Variants in MARCHF1 observed in about 807,000 individuals in gnomAD.
MARCHF1 encodes the protein E3 ubiquitin-protein ligase MARCHF1.
In MARCHF1, 40 loss-of-function variants were observed where a neutral mutation model predicts 54.2. The observed-to-expected ratio is 0.74, with a 90% CI of 0.57 to 0.96. The LOEUF (loss-of-function observed/expected upper bound fraction) is 0.96, where lower values mean the gene tolerates loss of function less well. Among genes scored for constraint, MARCHF1 ranks in the 40% least tolerant of loss-of-function variants. MARCHF1 has a pLI of 0.00. For synonymous variants in MARCHF1, 236 were observed against 236.3 expected (o/e 1.00, Z 0.01); for missense variants, 586 against 656.5 (o/e 0.89, Z 1.17).
At chr4:163,934,064 G>C (rs1751738902) in intron 3 of MARCHF1, among the ~76,000 whole-genome samples, 1 of 152,142 alleles carries the variant, frequency 6.6e-6, no homozygotes, top group African/African-American at 2.4e-5. Flanking sequence ...AAGTACACAA[G>C]TCCAAGTCTA....
chr4:163,581,158 G>A (rs1217941400), intron 8 of MARCHF1, among the ~76,000 whole-genome samples: 1 of 151,328 alleles, frequency 6.6e-6, no homozygotes, highest in East Asian at 1.9e-4. Context: ...GCGGTAGAGT[G>A]GCACAGTGCA....
chr4:163,749,754 G>T (rs1207410184), intron 4 of MARCHF1, among the ~76,000 whole-genome samples: 1 of 151,954 alleles, frequency 6.6e-6, no homozygotes, highest in Admixed American at 6.6e-5. Context: ...CTTAACAGTG[G>T]CTATCTCAGT....
At chr4:164,069,112 T>C (rs1560889252) in intron 2 of MARCHF1, among the ~76,000 whole-genome samples, 1 of 152,164 alleles carries the variant, frequency 6.6e-6, no homozygotes, top group Non-Finnish European at 1.5e-5. Flanking sequence ...GGTTTGTAAA[T>C]ACACCAACTG....
intron 4 of MARCHF1, among the ~76,000 whole-genome samples, chr4:163,710,604 T>G (rs1346510880): frequency 6.6e-6 from 1 of 152,164 alleles, no homozygotes; most frequent in Non-Finnish European, 1.5e-5. Flanking sequence ...TAATTGTAAT[T>G]CCTAGGAGGA....
At chr4:164,209,916 A>C (rs977289598) in intron 1 of MARCHF1, among the ~76,000 whole-genome samples, 12 of 152,276 alleles carry the variant, frequency 7.9e-5, no homozygotes, top group Non-Finnish European at 1.6e-4. Context: ...GAAGAAAAAA[A>C]ATTTTAATGC....
intron 5 of MARCHF1, among the ~76,000 whole-genome samples, chr4:163,633,262 C>T (rs1249374741): frequency 6.6e-6 from 1 of 152,160 alleles, no homozygotes; most frequent in Non-Finnish European, 1.5e-5. Context: ...CTTTGACGAG[C>T]TGAGAGAAGA....
At chr4:163,902,740 A>G (rs1579379675) in intron 3 of MARCHF1, among the ~76,000 whole-genome samples, 1 of 152,138 alleles carries the variant, frequency 6.6e-6, no homozygotes, top group Non-Finnish European at 1.5e-5. Context: ...AAAGCTTCCA[A>G]TTGCCAGTCA....
At chr4:164,367,907 A>C (rs1343267260) in intron 1 of MARCHF1, among the ~76,000 whole-genome samples, 4 of 151,912 alleles carry the variant, frequency 2.6e-5, no homozygotes, top group Non-Finnish European at 5.9e-5. Flanking sequence ...TCTTAAGTCC[A>C]ATATTCAAAC....
intron 3 of MARCHF1, among the ~76,000 whole-genome samples, chr4:163,900,217 C>T (rs1283587683): frequency 6.6e-6 from 1 of 152,076 alleles, no homozygotes; most frequent in African/African-American, 2.4e-5. Flanking sequence ...CTGATAACAG[C>T]AGTCTCTCAA....
intron 4 of MARCHF1, among the ~76,000 whole-genome samples, chr4:163,772,468 G>C (rs1054328444): frequency 6.6e-6 from 1 of 152,130 alleles, no homozygotes; most frequent in Non-Finnish European, 1.5e-5. Context: ...CTTGTCTGGA[G>C]GCTCTGGGGA....
At chr4:164,138,470 C>T (rs1373225514) in intron 1 of MARCHF1, among the ~76,000 whole-genome samples, 1 of 152,110 alleles carries the variant, frequency 6.6e-6, no homozygotes, top group African/African-American at 2.4e-5. Context: ...GAGATCACTT[C>T]CAAGAAGTAG....
intron 1 of MARCHF1, among the ~76,000 whole-genome samples, chr4:164,352,447 G>A (rs1198755466): frequency 7.0e-6 from 1 of 143,052 alleles, no homozygotes; most frequent in Non-Finnish European, 1.5e-5. Context: ...AGAGAGTGGG[G>A]GCCAATATTC....
chr4:163,857,689 T>C (rs140874234), intron 3 of MARCHF1, among the ~76,000 whole-genome samples: 14 of 152,286 alleles, frequency 9.2e-5, no homozygotes, highest in Admixed American at 3.3e-4. Flanking sequence ...GCGAACTACA[T>C]TGACAACAAA....
At chr4:163,834,515 A>G (rs969189712) in intron 4 of MARCHF1, among the ~76,000 whole-genome samples, 10 of 151,894 alleles carry the variant, frequency 6.6e-5, no homozygotes, top group Non-Finnish European at 1.2e-4. Flanking sequence ...GGTTAGTTAC[A>G]TATGTATACA....
chr4:164,196,387 AAATC>A (rs1395718854), intron 1 of MARCHF1, among the ~76,000 whole-genome samples: 1 of 152,106 alleles, frequency 6.6e-6, no homozygotes, highest in Non-Finnish European at 1.5e-5. Flanking sequence ...TGAAGCTTAT[AAATC>A]ATTGTTTTAA....
chr4:164,200,459 A>G (rs1051574701), intron 1 of MARCHF1, among the ~76,000 whole-genome samples: 1 of 152,158 alleles, frequency 6.6e-6, no homozygotes, highest in African/African-American at 2.4e-5. Context: ...TCCTGCACAT[A>G]AGTCTTGTAT....
chr4:163,720,780 C>A (rs1247826221), intron 4 of MARCHF1, among the ~76,000 whole-genome samples: 3 of 152,148 alleles, frequency 2.0e-5, no homozygotes, highest in Non-Finnish European at 2.9e-5. Context: ...ATTTTATTCT[C>A]TTTGAAGCAA....
chr4:163,721,569 T>A lies in MARCHF1; in HGVS notation c.112-20706A>T, dbSNP rs183967052. On this transcript the variant is annotated intron_variant, in intron 4 of 9. Transcript: ENST00000514618. ...AAAATGAGTTAGGGAGGATTCCCTCTTTTTCTATTGATTGGAATAGTTTCA... is the reference window on the plus strand; with the variant it reads ...AAAATGAGTTAGGGAGGATTCCCTCATTTTCTATTGATTGGAATAGTTTCA... Among the ~76,000 whole-genome samples, 461 of 152,258 alleles carry A rather than the reference T, an allele frequency of 3.0e-3. 4 individuals are homozygous for A. The highest frequency in any genetic ancestry group is 0.011 in the African/African-American group (452 of 41,506).
intron 3 of MARCHF1, among the ~76,000 whole-genome samples, chr4:163,957,138 A>G (rs1229200353): frequency 6.8e-6 from 1 of 148,076 alleles, no homozygotes; most frequent in East Asian, 2.0e-4. Flanking sequence ...GAAATTTTCT[A>G]GTTACAGCTG....
Sources: allele counts gnomAD v4.1 joint callset (sites outside exome capture counted in the v4.1 genomes callset), GRCh38; gene constraint gnomAD v4.1.1; transcripts MANE v1.5; gene names NCBI Gene and HGNC (gene_info 2026-07-23, HGNC 2026-07-21).